The following CUX1 variants were observed in gnomAD, a reference collection of about 807,000 sequenced individuals.
CUX1 encodes the protein cut like homeobox 1.
A neutral mutation model predicts 158.8 loss-of-function variants in CUX1; 31 were observed. The observed-to-expected ratio is 0.20, with a 90% CI of 0.15 to 0.26. CUX1 has a LOEUF of 0.26. Among genes scored for constraint, CUX1 ranks in the 10% least tolerant of loss-of-function variants. The pLI, the probability that CUX1 is intolerant of heterozygous loss-of-function variation, is 1.00. For synonymous variants in CUX1, 879 were observed against 862.1 expected (o/e 1.02, Z -0.34); for missense variants, 1,589 against 2,014.6 (o/e 0.79, Z 4.04).
intron 1 of CUX1, among the ~76,000 whole-genome samples, chr7:101,862,826 C>A (rs1421969545): frequency 1.3e-5 from 2 of 151,890 alleles, no homozygotes; most frequent in Non-Finnish European, 2.9e-5. Flanking sequence ...GGATAAAGAC[C>A]CGTATTACTA....
At chr7:102,283,230 G>A in exon 23 of CUX1, 1 of 687,588 alleles carries the variant, frequency 1.5e-6, no homozygotes, top group Non-Finnish European at 2.6e-6. Flanking sequence ...AGAGGCCCCA[G>A]GTCACCTCGG....
chr7:102,059,511 A>G (rs1824534472), intron 3 of CUX1, among the ~76,000 whole-genome samples: 1 of 151,818 alleles, frequency 6.6e-6, no homozygotes, highest in Non-Finnish European at 1.5e-5. Flanking sequence ...AGGTGCCTGT[A>G]GTCCCAGCTA....
At chr7:102,086,487 G>T (rs1488548757) in intron 4 of CUX1, among the ~76,000 whole-genome samples, 1 of 152,084 alleles carries the variant, frequency 6.6e-6, no homozygotes, top group Non-Finnish European at 1.5e-5. Flanking sequence ...TGTGTATTCT[G>T]TAGTTGTTTG....
chr7:102,148,905 C>G (rs369920962), intron 8 of CUX1, among the ~76,000 whole-genome samples: 1 of 151,604 alleles, frequency 6.6e-6, no homozygotes, highest in African/African-American at 2.4e-5. Flanking sequence ...CTCCCACTTA[C>G]GAGTGAGAAC....
rs868927423 is a variant in CUX1, at chr7:102,258,006, G to C, written c.*8964G>C. 6 of 978,980 alleles carry C rather than the reference G, an allele frequency of 6.1e-6. No individual in the cohort carries two copies. Among genetic ancestry groups the C allele is most frequent in the Non-Finnish European group, 6.0e-6 (5 of 829,334 alleles). 60.6% of individuals were successfully genotyped at this position (978,980 alleles called of 1,614,324 possible). ...CTTGCTATTTGTTTTTCTACATTAA[G>C]AGTCAAAGTTGACCTGGCTGGCGTG... On this transcript the variant is annotated 3_prime_UTR_variant, in exon 24 of 24. Coordinates refer to ENST00000292535, the MANE Select transcript of CUX1 (RefSeq NM_181552.4).
intron 1 of CUX1, among the ~76,000 whole-genome samples, chr7:101,833,191 A>T (rs1342404439): frequency 6.6e-6 from 1 of 151,770 alleles, no homozygotes; most frequent in Non-Finnish European, 1.5e-5. Context: ...TTGAGAGCCC[A>T]GGAGTTCAAG....
intron 9 of CUX1, among the ~76,000 whole-genome samples, chr7:102,159,881 T>G (rs1246292716): frequency 2.0e-5 from 3 of 147,372 alleles, no homozygotes; most frequent in Non-Finnish European, 3.0e-5. Flanking sequence ...AAAAATAAAT[T>G]TTTACTACCC....
intron 20 of CUX1, among the ~76,000 whole-genome samples, chr7:102,281,523 C>G (rs1421289716): frequency 6.6e-6 from 1 of 151,934 alleles, no homozygotes; most frequent in South Asian, 2.1e-4. Flanking sequence ...ATTAGCTGGG[C>G]GTGGTGACGC....
chr7:101,968,769 C>T (rs539386674), intron 2 of CUX1, among the ~76,000 whole-genome samples: 102 of 152,202 alleles, frequency 6.7e-4, no homozygotes, highest in Non-Finnish European at 9.4e-4. Flanking sequence ...TCCCTGCTGC[C>T]TGGGTGGGAG....
chr7:101,846,961 G>C (rs910108916), intron 1 of CUX1, among the ~76,000 whole-genome samples: 3 of 151,852 alleles, frequency 2.0e-5, no homozygotes. Context: ...GCAAGACCCT[G>C]TCTCTACAAA....
At chr7:102,125,456 A>T (rs1458331388) in intron 8 of CUX1, 1 of 151,536 alleles carries the variant, frequency 6.6e-6, no homozygotes, top group African/African-American at 2.5e-5. Flanking sequence ...CACCACGGGG[A>T]GTCCCTGGCC....
rs76899976 is a variant in CUX1, at chr7:101,920,750, G to T, written c.141+4525G>T. On this transcript the variant is annotated intron_variant, in intron 2 of 23. Transcript: ENST00000292535. ...ATCTACAAAAAGAGTCCCTTTGAAA[G>T]AAAAACATTTTTAAATGTTCTAACT... 1.9e-3 allele frequency among the ~76,000 whole-genome samples: 292 copies of T among 152,266 alleles called. 3 individuals are homozygous for T. In the East Asian group the frequency reaches 0.032, roughly 17 times the overall value.
intron 10 of CUX1, among the ~76,000 whole-genome samples, chr7:102,171,704 TC>T (rs1791737994): frequency 2.6e-5 from 4 of 152,212 alleles, no homozygotes; most frequent in Admixed American, 2.6e-4. Context: ...TGCCTCAGCC[TC>T]CCAGAGTGCT....
intron 2 of CUX1, among the ~76,000 whole-genome samples, chr7:101,935,559 G>A (rs1806822529): frequency 1.3e-5 from 2 of 152,230 alleles, no homozygotes; most frequent in African/African-American, 4.8e-5. Context: ...GGCACTCCTG[G>A]CCCAGCTGGG....
intron 8 of CUX1, among the ~76,000 whole-genome samples, chr7:102,130,080 G>A (rs149419476): frequency 4.6e-5 from 7 of 152,216 alleles, no homozygotes; most frequent in Admixed American, 2.6e-4. Flanking sequence ...TTCTCTTCCC[G>A]AGGTGCTATT....
At chr7:102,111,476 C>T (rs1830873056) in intron 6 of CUX1, among the ~76,000 whole-genome samples, 1 of 152,162 alleles carries the variant, frequency 6.6e-6, no homozygotes, top group Non-Finnish European at 1.5e-5. Flanking sequence ...CATCAAGCCC[C>T]ACGGGTTGCA....
At chr7:102,202,379 T>TCCCATTTGCCGAGCCCCGAC (rs1795542701) in intron 18 of CUX1, among the ~76,000 whole-genome samples, 175 bp downstream of exon 18, 2 of 152,112 alleles carry the variant, frequency 1.3e-5, no homozygotes, top group Non-Finnish European at 2.9e-5. Flanking sequence ...GCAGCCCCGA[T>TCCCATTTGCCGAGCCCCGAC]CCCATTTGCC....
chr7:102,103,277 C>T (rs144725794), intron 5 of CUX1, among the ~76,000 whole-genome samples: 2 of 152,278 alleles, frequency 1.3e-5, no homozygotes, highest in East Asian at 3.9e-4. Context: ...GGGTCCCTTC[C>T]AGCCCACTCC....
At chr7:102,270,558 T>C (rs1286213338) in intron 14 of CUX1, among the ~76,000 whole-genome samples, 1 of 152,188 alleles carries the variant, frequency 6.6e-6, no homozygotes, top group Non-Finnish European at 1.5e-5. Flanking sequence ...TTACCCAGCC[T>C]GTTCTCTCTG....
Sources: gnomAD v4.1 joint callset for allele counts (sites outside exome capture counted in the v4.1 genomes callset) on GRCh38, gnomAD v4.1.1 for gene constraint, MANE v1.5 for transcripts, NCBI Gene and HGNC (gene_info 2026-07-23, HGNC 2026-07-21) for gene names.